The following PDE5A variants were observed in gnomAD, a reference collection of about 807,000 sequenced individuals.
PDE5A encodes cGMP-specific 3',5'-cyclic phosphodiesterase.
Under a neutral mutation model 110.2 loss-of-function variants are expected in PDE5A, and 67 were observed. The ratio of observed to expected loss-of-function variants is 0.61; its 90% confidence interval spans 0.50 to 0.75. PDE5A has a LOEUF of 0.75. Among genes scored for constraint, PDE5A ranks in the 30% least tolerant of loss-of-function variants. The probability of loss-of-function intolerance (pLI) is 0.00; values close to 1 mark genes in which losing one functional copy is unlikely to be tolerated. For synonymous variants in PDE5A, 328 were observed against 351.2 expected, an observed-to-expected ratio of 0.93 and a Z score of 0.74; for missense variants, 862 against 1,045.1, an observed-to-expected ratio of 0.82 and a Z score of 2.42.
intron 15 of PDE5A, among the ~76,000 whole-genome samples, chr4:119,508,517 C>G (rs144068684): frequency 6.6e-6 from 1 of 151,836 alleles, no homozygotes; most frequent in Non-Finnish European, 1.5e-5. Context: ...GATCTGAAGG[C>G]AAGGGATTTG....
At chr4:119,554,320 G>T (rs1394821708) in intron 7 of PDE5A, among the ~76,000 whole-genome samples, 1 of 151,818 alleles carries the variant, frequency 6.6e-6, no homozygotes, top group Non-Finnish European at 1.5e-5. Flanking sequence ...TCTGCTTTGA[G>T]ATGCTTTAAG....
intron 2 of PDE5A, among the ~76,000 whole-genome samples, chr4:119,605,977 G>A (rs555738473): frequency 9.9e-5 from 15 of 152,170 alleles, no homozygotes; most frequent in Non-Finnish European, 1.8e-4. Flanking sequence ...AACATATAAA[G>A]TGCCATTCAG....
At chr4:119,500,886 G>A (rs1725294820) in intron 20 of PDE5A, 2 of 325,528 alleles carry the variant, frequency 6.1e-6, no homozygotes, top group Non-Finnish European at 1.1e-5. Flanking sequence ...CTAACGCATA[G>A]TATATACAGT....
In PDE5A at chr4:119,497,680, ACT is replaced by A. The variant is rs1725125219; in HGVS notation, c.*919_*920del. The A allele has an allele frequency of 6.6e-6, 1 of 152,096 alleles. No homozygotes were observed. The highest frequency in any genetic ancestry group is 6.6e-5 in the Admixed American group (1 of 15,256). 9.4% of individuals were successfully genotyped at this position (152,096 alleles called of 1,614,324 possible). ...TTGACAGGAAAAAGAGTCATTTTGT[ACT>A]CTCTTATCTATAACCATGTCTCACT... On this transcript the variant is annotated 3_prime_UTR_variant, in exon 21 of 21. Transcript: ENST00000354960.
At chr4:119,530,990 G>T (rs926850417) in intron 11 of PDE5A, among the ~76,000 whole-genome samples, 1 of 152,050 alleles carries the variant, frequency 6.6e-6, no homozygotes, top group African/African-American at 2.4e-5. Flanking sequence ...ATCAGTTACA[G>T]CTTGTCTTAA....
intron 3 of PDE5A, among the ~76,000 whole-genome samples, chr4:119,585,503 G>A (rs1267030994): frequency 1.3e-5 from 2 of 152,140 alleles, no homozygotes; most frequent in Non-Finnish European, 2.9e-5. Flanking sequence ...CATGAAAGGT[G>A]AGAACTCAAA....
chr4:119,578,476 G>C (rs1439906961), intron 3 of PDE5A, among the ~76,000 whole-genome samples: 1 of 152,104 alleles, frequency 6.6e-6, no homozygotes, highest in Non-Finnish European at 1.5e-5. Flanking sequence ...CATGGTACTG[G>C]TACCAAAATA....
At chr4:119,625,711 T>C (rs1322480434) in intron 1 of PDE5A, among the ~76,000 whole-genome samples, 1 of 151,990 alleles carries the variant, frequency 6.6e-6, no homozygotes, top group Non-Finnish European at 1.5e-5. Context: ...AAAAGCAAAG[T>C]AATGTGAGCT....
intron 14 of PDE5A, among the ~76,000 whole-genome samples, chr4:119,514,213 A>G (rs958162958): frequency 6.6e-6 from 1 of 152,204 alleles, no homozygotes; most frequent in Non-Finnish European, 1.5e-5. Flanking sequence ...AGGATGTCCA[A>G]TGCAGAAATC....
chr4:119,557,525 T>C (rs1365243264), intron 7 of PDE5A, among the ~76,000 whole-genome samples: 1 of 152,104 alleles, frequency 6.6e-6, no homozygotes, highest in Non-Finnish European at 1.5e-5. Context: ...AAAAGATAAA[T>C]TTCTGTGCTT....
chr4:119,598,786 G>A (rs1424973270), intron 2 of PDE5A, among the ~76,000 whole-genome samples: 1 of 152,172 alleles, frequency 6.6e-6, no homozygotes, highest in Non-Finnish European at 1.5e-5. Context: ...GAATTGAATG[G>A]AGCTCCAAAC....
chr4:119,505,723 G>T, intron 17 of PDE5A, 132 bp downstream of exon 17: 1 of 599,638 alleles, frequency 1.7e-6, no homozygotes. Flanking sequence ...CAACCCTCTG[G>T]AGAAATCTGA....
At chr4:119,584,779 T>A (rs1728700224) in intron 3 of PDE5A, among the ~76,000 whole-genome samples, 1 of 152,288 alleles carries the variant, frequency 6.6e-6, no homozygotes, top group South Asian at 2.1e-4. Context: ...TCCCTCCTTC[T>A]AGTGGATGCT....
intron 13 of PDE5A, among the ~76,000 whole-genome samples, chr4:119,520,534 G>A (rs1236594882): frequency 6.6e-6 from 1 of 152,156 alleles, no homozygotes; most frequent in East Asian, 1.9e-4. Context: ...ACTTATCAAT[G>A]AAGCAAGTTC....
chr4:119,525,724 A>AG lies in PDE5A; in HGVS notation c.1633-30_1633-29insC, dbSNP rs546374999. 9.1e-4 allele frequency: 1,301 copies of AG among 1,425,262 alleles called. 10 individuals are homozygous for AG. In the East Asian group the frequency reaches 0.027, roughly 30 times the overall value. The allele number at this position is 1,425,262 out of a possible 1,614,324, so 88.3% of individuals were successfully genotyped here. On this transcript the variant is annotated intron_variant, in intron 11 of 20. Coordinates refer to ENST00000354960, the MANE Select transcript of PDE5A (RefSeq NM_001083.4). This position sits in a 1 kb window ranked among gnomAD's most constrained non-coding sequence, Gnocchi z 4.3. ...GGGTAAGGAAAGAAGAAAAAAAAAAATGCTGTTAATTAAAGCAGCAGTGAT... is the reference window on the plus strand; with the variant it reads ...GGGTAAGGAAAGAAGAAAAAAAAAAAGTGCTGTTAATTAAAGCAGCAGTGAT...
intron 3 of PDE5A, among the ~76,000 whole-genome samples, chr4:119,570,891 C>G (rs1728118102): frequency 6.6e-6 from 1 of 152,144 alleles, no homozygotes; most frequent in Non-Finnish European, 1.5e-5. Flanking sequence ...TAGAACTTAA[C>G]AATATATAGA....
At chr4:119,594,538 T>C (rs1560632776) in intron 3 of PDE5A, among the ~76,000 whole-genome samples, 1 of 152,310 alleles carries the variant, frequency 6.6e-6, no homozygotes, top group East Asian at 1.9e-4. Flanking sequence ...TATAATGATG[T>C]CCCAAATAAT....
At chr4:119,538,846 C>G in intron 11 of PDE5A, 114 bp downstream of exon 11, 1 of 824,330 alleles carries the variant, frequency 1.2e-6, no homozygotes, top group Non-Finnish European at 2.1e-6. Flanking sequence ...TGCATCCCTG[C>G]AAGAAAGCAG....
At chr4:119,501,300 TTTAGTTAG>T (rs755499022) in intron 19 of PDE5A, 47 bp from the exon 20 acceptor site, 1 of 1,114,024 alleles carries the variant, frequency 9.0e-7, no homozygotes, top group African/African-American at 1.6e-5. Context: ...CATTTATTTA[TTTAGTTAG>T]TTATTACTTT....
Sources: allele counts gnomAD v4.1 joint callset (sites outside exome capture counted in the v4.1 genomes callset), GRCh38; gene constraint gnomAD v4.1.1; non-coding constraint Gnocchi (gnomAD v3.1); transcripts MANE v1.5; gene names NCBI Gene and HGNC (gene_info 2026-07-23, HGNC 2026-07-21).